MSANTD4: variants seen among roughly 807,000 people sequenced by gnomAD.
The protein encoded by MSANTD4 is myb/SANT-like DNA-binding domain-containing protein 4.
Under a neutral mutation model 34.3 loss-of-function variants are expected in MSANTD4, and 13 were observed. The ratio of observed to expected loss-of-function variants is 0.38; its 90% confidence interval spans 0.25 to 0.60. MSANTD4 has a LOEUF of 0.60. Among genes scored for constraint, MSANTD4 ranks in the 20% least tolerant of loss-of-function variants. MSANTD4 has a pLI of 0.63. For missense variants in MSANTD4, 358 were observed against 401.8 expected (o/e 0.89, Z 0.93); for synonymous variants, 137 against 145.2 (o/e 0.94, Z 0.41).
chr11:106,017,059 A>G (rs1464517588), intron 1 of MSANTD4, among the ~76,000 whole-genome samples: 2 of 152,214 alleles, frequency 1.3e-5, no homozygotes, highest in African/African-American at 4.8e-5. Flanking sequence ...TTTAAGGTAA[A>G]AGCATGGTAA....
intron 1 of MSANTD4, among the ~76,000 whole-genome samples, chr11:106,012,839 T>G (rs1028669419): frequency 6.6e-6 from 1 of 152,154 alleles, no homozygotes; most frequent in African/African-American, 2.4e-5. Context: ...CTTACATAAG[T>G]GCATCTGGTG....
chr11:106,009,967 A>G lies in MSANTD4; in HGVS notation c.606T>C (p.His202=). The change falls in exon 3 of 3, where the codon CAT becomes CAC. Residue 202 remains histidine (H), a synonymous_variant. Coordinates refer to ENST00000301919, the MANE Select transcript of MSANTD4 (RefSeq NM_032424.3). ...TPSRSAYDEP[H]LLVNIEKQKL... is the part of the protein sequence containing the mutation. ...TCTGTTTCTCAATATTTACGAGCAA[A>G]TGAGGCTCATCATATGCAGATCTAG... 1 of 1,612,240 alleles carries G rather than the reference A, an allele frequency of 6.2e-7. No homozygotes were observed. Among genetic ancestry groups the G allele is most frequent in the Non-Finnish European group, 8.5e-7 (1 of 1,180,010 alleles).
rs1247752419 is a variant in MSANTD4, at chr11:106,021,378, G to A, written c.-567C>T. On this transcript the variant is annotated 5_prime_UTR_variant, in exon 1 of 3. Transcript: ENST00000301919. ...CTTACGTAATCCTTGTGAAGATGAT[G>A]TACTGCCAATGGCATAATATAACCA... 1 of 152,178 alleles carries A rather than the reference G, an allele frequency of 6.6e-6. No homozygotes were observed. The highest frequency in any genetic ancestry group is 1.5e-5 in the Non-Finnish European group (1 of 68,018). The allele number at this position is 152,178 out of a possible 1,614,324, so 9.4% of individuals were successfully genotyped here. A position where few individuals can be genotyped will look rare whatever the true frequency, so the allele number is the denominator to read the frequency against.
At chr11:106,014,308 C>T (rs185270275) in intron 1 of MSANTD4, among the ~76,000 whole-genome samples, 139 of 152,268 alleles carry the variant, frequency 9.1e-4, no homozygotes, top group African/African-American at 3.2e-3. Flanking sequence ...CCTATAAAGC[C>T]TCCCCGCTTT....
intron 2 of MSANTD4, 144 bp from the exon 3 acceptor site, chr11:106,010,254 T>A (rs1375885915): frequency 9.0e-7 from 1 of 1,112,874 alleles, no homozygotes; most frequent in African/African-American, 1.6e-5. Context: ...AATTACTTGA[T>A]GTCTGTAATA....
At chr11:106,019,345 AAGTG>A (rs1481098088) in intron 1 of MSANTD4, among the ~76,000 whole-genome samples, 1 of 152,214 alleles carries the variant, frequency 6.6e-6, no homozygotes, top group African/African-American at 2.4e-5. Flanking sequence ...AAACAGGTAA[AAGTG>A]AGTATTTTAT....
chr11:106,019,338 C>T (rs1016938925), intron 1 of MSANTD4, among the ~76,000 whole-genome samples: 4 of 152,128 alleles, frequency 2.6e-5, no homozygotes, highest in Non-Finnish European at 5.9e-5. Context: ...TAAAAAGAAA[C>T]AGGTAAAAGT....
Position 106,022,234 on chromosome 11 carries a change from G to A in MSANTD4, c.-1423C>T, listed in dbSNP as rs150695004. The A allele has an allele frequency of 8.2e-3, 1,249 of 152,568 alleles. 8 individuals are homozygous for A. The highest frequency in any genetic ancestry group is 0.014 in the Non-Finnish European group (931 of 68,240). 9.5% of individuals were successfully genotyped at this position (152,568 alleles called of 1,614,324 possible). A position where few individuals can be genotyped will look rare whatever the true frequency, so the allele number is the denominator to read the frequency against. On this transcript the variant is annotated 5_prime_UTR_variant, in exon 1 of 3. Transcript: ENST00000301919. ...GCACCTCCCCACGGTCGCCCCAAGG[G>A]GGGTAGGAAAAAAGATGCTTCATTG...
chr11:106,021,754 G>C lies in MSANTD4; in HGVS notation c.-943C>G, dbSNP rs966584335. 3.9e-5 allele frequency: 6 copies of C among 152,084 alleles called. No homozygotes were observed. Among genetic ancestry groups the C allele is most frequent in the African/African-American group, 1.5e-4 (6 of 41,362 alleles). The allele number at this position is 152,084 out of a possible 1,614,324, so 9.4% of individuals were successfully genotyped here. A position where few individuals can be genotyped will look rare whatever the true frequency, so the allele number is the denominator to read the frequency against. On this transcript the variant is annotated 5_prime_UTR_variant, in exon 1 of 3. Coordinates refer to ENST00000301919, the MANE Select transcript of MSANTD4 (RefSeq NM_032424.3). Reference sequence around the variant, plus strand: ...CACCTCCCTCCCGCTGCCTCCTTTGGGACCGTCCAAAAAGAGCCCCTGGGA... The same window carrying C: ...CACCTCCCTCCCGCTGCCTCCTTTGCGACCGTCCAAAAAGAGCCCCTGGGA...
At position 106,009,907 on chromosome 11, in the gene MSANTD4, C is replaced by T. The variant is rs772426357; in HGVS notation, c.666G>A (p.Glu222=). The T allele has an allele frequency of 5.0e-6, 8 of 1,613,510 alleles. No homozygotes were observed. The East Asian group carries it at 8.9e-5, about 18-fold the overall frequency. ...CCTTTTCTACCTGCAGCCTTTCGGC[C>T]TCGATATCCAGTCGTCGTTTTTCCA... ...LELEKRRLDI[E]AERLQVEKER... Residue 222 remains glutamate (E), a synonymous_variant, in exon 3 of 3, where the codon GAG becomes GAA. Transcript: ENST00000301919.
rs1359653469 is a variant in MSANTD4, at chr11:106,009,495, TAG to T, written c.*38_*39del. The T allele has an allele frequency of 6.5e-7, 1 of 1,538,024 alleles. No homozygotes were observed. Among genetic ancestry groups the T allele is most frequent in the African/African-American group, 1.4e-5 (1 of 71,938 alleles). On this transcript the variant is annotated 3_prime_UTR_variant, in exon 3 of 3. Transcript: ENST00000301919. The stretch of plus-strand genomic sequence containing the variant: ...TATATCACCTGATATGAGAAAAATC[TAG>T]AGTTTTCAAACATTTGCTAAATGGA...
intron 1 of MSANTD4, among the ~76,000 whole-genome samples, chr11:106,013,409 A>C (rs755968481): frequency 5.9e-5 from 9 of 152,220 alleles, no homozygotes; most frequent in Admixed American, 6.5e-5. Flanking sequence ...TCATAACATT[A>C]AATGGGAGAT....
At position 106,009,704 on chromosome 11, in the gene MSANTD4, G is replaced by C; in HGVS notation, c.869C>G (p.Pro290Arg). The change falls in exon 3 of 3, where the codon CCA becomes CGA. Residue 290 changes from proline to arginine, a missense_variant. Transcript: ENST00000301919. ...TAACTTCTCTGTTTCTATGTCCTGTGGTTGAAGCATGGATTTTTCTCCTTG... is the reference window on the plus strand; with the variant it reads ...TAACTTCTCTGTTTCTATGTCCTGTCGTTGAAGCATGGATTTTTCTCCTTG... Reference protein sequence around the residue: ...LGQGEKSMLQPQDIETEKLKL... With the variant: ...LGQGEKSMLQRQDIETEKLKL... 6.2e-7 allele frequency: 1 copy of C among 1,614,164 alleles called. No individual in the cohort carries two copies. The highest frequency in any genetic ancestry group is 8.5e-7 in the Non-Finnish European group (1 of 1,180,022).
intron 1 of MSANTD4, among the ~76,000 whole-genome samples, chr11:106,013,227 C>T (rs1445108294): frequency 3.3e-5 from 5 of 152,158 alleles, no homozygotes; most frequent in Admixed American, 3.3e-4. Flanking sequence ...CAAATTCACT[C>T]ACTGATAACT....
At chr11:106,017,505 C>A (rs1859886465) in intron 1 of MSANTD4, among the ~76,000 whole-genome samples, 1 of 151,944 alleles carries the variant, frequency 6.6e-6, no homozygotes, top group Non-Finnish European at 1.5e-5. Context: ...TTTTTTAAAA[C>A]AGCAAAATAT....
At position 106,010,758 on chromosome 11, in the gene MSANTD4, A is replaced by G. The variant is rs928540548; in HGVS notation, c.160T>C (p.Cys54Arg). ...TCTCCTTCTCCTACAGCATTCACACACTGTGCAATCTCTTCCCAAGCCATT... is the reference window on the plus strand; with the variant it reads ...TCTCCTTCTCCTACAGCATTCACACGCTGTGCAATCTCTTCCCAAGCCATT... The part of the protein sequence containing the change: ...KRMAWEEIAQ[C>R]VNAVGEGEQR... Residue 54 changes from cysteine to arginine, a missense_variant, in exon 2 of 3, where the codon TGT (cysteine) becomes CGT (arginine). Transcript: ENST00000301919. 1.2e-6 allele frequency: 2 copies of G among 1,613,924 alleles called. No homozygotes were observed. The highest frequency in any genetic ancestry group is 1.7e-6 in the Non-Finnish European group (2 of 1,180,006).
Position 106,009,741 on chromosome 11 carries a change from T to C in MSANTD4, c.832A>G (p.Asn278Asp). Residue 278 changes from asparagine to aspartate, a missense_variant, in exon 3 of 3, where the codon AAT (asparagine) becomes GAT (aspartate). Asn to Asp is a conservative substitution (Grantham distance 23, BLOSUM62 1). Around this residue, in one of 2 missense-constraint regions of MSANTD4, gnomAD observed 312 missense variants for 317.6 expected, o/e 0.98. Transcript: ENST00000301919. ...GATTTTTCTCCTTGACCAAGTTCATTTTCCAAGGACGGTTTCTCTGAATTG... is the reference window on the plus strand; with the variant it reads ...GATTTTTCTCCTTGACCAAGTTCATCTTCCAAGGACGGTTTCTCTGAATTG... ...IVNSEKPSLE[N>D]ELGQGEKSML... The C allele has an allele frequency of 6.2e-7, 1 of 1,614,206 alleles. No individual in the cohort carries two copies. Among genetic ancestry groups the C allele is most frequent in the Non-Finnish European group, 8.5e-7 (1 of 1,180,032 alleles).
In MSANTD4 at chr11:106,011,027, T is replaced by C; in HGVS notation, c.-110A>G. 2 of 1,431,396 alleles carry C rather than the reference T, an allele frequency of 1.4e-6. No individual in the cohort carries two copies. Among genetic ancestry groups the C allele is most frequent in the East Asian group, 2.5e-5 (1 of 40,014 alleles). 88.7% of individuals were successfully genotyped at this position (1,431,396 alleles called of 1,614,324 possible). A position where few individuals can be genotyped will look rare whatever the true frequency, so the allele number is the denominator to read the frequency against. On this transcript the variant is annotated 5_prime_UTR_variant, in exon 2 of 3. Transcript: ENST00000301919. ...TTTGCTGGCCCTTAGTTCAAATCAT[T>C]GTCTTCCATTCATCTAGTGGCAAGG...
rs1318763498 is a variant in MSANTD4, at chr11:106,009,134, C to G, written c.*401G>C. On this transcript the variant is annotated 3_prime_UTR_variant, in exon 3 of 3. Transcript: ENST00000301919. ...GGGGGTGTTGAGGAGGTATGCATTG[C>G]ACAGTAGCAACCTTTTCCCCACCCC... The G allele has an allele frequency of 1.8e-5, 3 of 166,624 alleles. No homozygotes were observed. The highest frequency in any genetic ancestry group is 3.9e-5 in the Non-Finnish European group (3 of 76,622). 10.3% of individuals were successfully genotyped at this position (166,624 alleles called of 1,614,324 possible).
Sources: allele counts gnomAD v4.1 joint callset (sites outside exome capture counted in the v4.1 genomes callset), GRCh38; gene constraint gnomAD v4.1.1; regional missense constraint gnomAD v4.1.1; transcripts MANE v1.5; gene names NCBI Gene and HGNC (gene_info 2026-07-23, HGNC 2026-07-21).